The following CSMD3 variants were observed in gnomAD, a reference collection of about 807,000 sequenced individuals.
CSMD3 encodes CUB and sushi domain-containing protein 3.
A neutral mutation model predicts 435.2 loss-of-function variants in CSMD3; 177 were observed. That is an observed-to-expected ratio of 0.41 (90% CI 0.36 to 0.46). CSMD3 has a LOEUF of 0.46. Among genes scored for constraint, CSMD3 ranks in the 20% least tolerant of loss-of-function variants. CSMD3 has a pLI of 0.34. For missense variants in CSMD3, 4,265 were observed against 4,504.6 expected (o/e 0.95, Z 1.52); for synonymous variants, 1,656 against 1,520.5 (o/e 1.09, Z -2.07).
intron 4 of CSMD3, among the ~76,000 whole-genome samples, chr8:113,116,129 T>TA (rs2090819737): frequency 2.0e-5 from 3 of 151,934 alleles, no homozygotes; most frequent in Non-Finnish European, 2.9e-5. Flanking sequence ...ATTAATACAC[T>TA]AAAAAAACAT....
At chr8:112,911,307 A>G (rs1312961062) in intron 10 of CSMD3, among the ~76,000 whole-genome samples, 2 of 151,942 alleles carry the variant, frequency 1.3e-5, no homozygotes, top group Non-Finnish European at 2.9e-5. Flanking sequence ...TAAAAAATGT[A>G]TATATGATAT....
At chr8:112,502,462 G>A (rs1055044963) in intron 30 of CSMD3, among the ~76,000 whole-genome samples, 5 of 152,150 alleles carry the variant, frequency 3.3e-5, no homozygotes, top group Non-Finnish European at 7.4e-5. Flanking sequence ...CCTTGCCCTG[G>A]CATACAGTTC....
chr8:113,015,074 T>C lies in CSMD3; in HGVS notation c.1030+3993A>G, dbSNP rs144540275. On this transcript the variant is annotated intron_variant, in intron 6 of 70. Transcript: ENST00000297405. ...ATCTTATTTACCTTTGTTCAGTAAC[T>C]GTACACAGGTATTTATGTAAAAACT... Among the ~76,000 whole-genome samples the C allele has an allele frequency of 2.5e-3, 376 of 152,228 alleles. 2 individuals are homozygous for C. Among genetic ancestry groups the C allele is most frequent in the Non-Finnish European group, 4.1e-3 (282 of 67,988 alleles).
At position 112,322,202 on chromosome 8, in the gene CSMD3, G is replaced by A. The variant is rs1291905280; in HGVS notation, c.7166-2221C>T. Among the ~76,000 whole-genome samples the A allele has an allele frequency of 2.0e-5, 3 of 151,990 alleles. No individual in the cohort carries two copies. In the East Asian group the frequency reaches 5.8e-4, roughly 29 times the overall value. On this transcript the variant is annotated intron_variant, in intron 45 of 70. Coordinates refer to ENST00000297405, the MANE Select transcript of CSMD3 (RefSeq NM_198123.2). ...GCTAATCCTAAATTGTTTGATTATT[G>A]TAAACAAGAAACACTTTTTTATGTG...
chr8:112,254,350 T>G (rs199779233), intron 62 of CSMD3, 24 bp from the exon 63 acceptor site: 1 of 1,520,004 alleles, frequency 6.6e-7, no homozygotes, highest in African/African-American at 1.4e-5. Flanking sequence ...TAAAAAGATA[T>G]TAGTCCTTTA....
intron 13 of CSMD3, among the ~76,000 whole-genome samples, chr8:112,731,805 G>C (rs1193389980): frequency 6.6e-6 from 1 of 152,010 alleles, no homozygotes; most frequent in Non-Finnish European, 1.5e-5. Flanking sequence ...CAATTATCAG[G>C]ATTAAAGGCA....
chr8:112,404,983 G>T (rs962990368), intron 35 of CSMD3, among the ~76,000 whole-genome samples: 10 of 150,836 alleles, frequency 6.6e-5, no homozygotes, highest in Non-Finnish European at 1.5e-4. Context: ...TTTGATACCA[G>T]CCTAGACAAC....
chr8:112,419,744 C>A (rs186270047), intron 32 of CSMD3, among the ~76,000 whole-genome samples: 138 of 152,186 alleles, frequency 9.1e-4, no homozygotes, highest in African/African-American at 3.2e-3. Flanking sequence ...ATCTTATAAG[C>A]AAATATAGTT....
intron 13 of CSMD3, among the ~76,000 whole-genome samples, chr8:112,721,746 A>G (rs1476250482): frequency 6.6e-6 from 1 of 152,080 alleles, no homozygotes; most frequent in Non-Finnish European, 1.5e-5. Context: ...CCTTAGAACT[A>G]TTTTTGTTTT....
At chr8:112,513,566 A>G (rs1823355734) in intron 28 of CSMD3, among the ~76,000 whole-genome samples, 1 of 152,204 alleles carries the variant, frequency 6.6e-6, no homozygotes, top group Non-Finnish European at 1.5e-5. Flanking sequence ...AATAGCAATG[A>G]AAAAGTTTGA....
At chr8:112,255,549 G>T in intron 61 of CSMD3, 122 bp from the exon 62 acceptor site, 1 of 851,644 alleles carries the variant, frequency 1.2e-6, no homozygotes, top group Non-Finnish European at 1.9e-6. Context: ...TCATGATAAA[G>T]CTATCCCAAT....
At chr8:112,925,493 G>A (rs534782709) in intron 9 of CSMD3, among the ~76,000 whole-genome samples, 4 of 151,936 alleles carry the variant, frequency 2.6e-5, no homozygotes, top group Non-Finnish European at 5.9e-5. Context: ...AACCCGGGAA[G>A]TGGAACTTGC....
intron 32 of CSMD3, among the ~76,000 whole-genome samples, chr8:112,437,599 A>G (rs1382573502): frequency 6.6e-6 from 1 of 151,798 alleles, no homozygotes; most frequent in Non-Finnish European, 1.5e-5. Context: ...ATATATATAT[A>G]CACAGATCTG....
chr8:113,092,132 T>C (rs147897602), intron 5 of CSMD3, among the ~76,000 whole-genome samples: 253 of 152,180 alleles, frequency 1.7e-3, no homozygotes, highest in African/African-American at 6.0e-3. Flanking sequence ...TTAAGTTCCT[T>C]ACAACCTCTG....
intron 4 of CSMD3, among the ~76,000 whole-genome samples, chr8:113,150,752 C>T (rs1268575630): frequency 6.6e-6 from 1 of 151,804 alleles, no homozygotes; most frequent in South Asian, 2.1e-4. Context: ...TATTCATTAC[C>T]ACTATATGTA....
At chr8:112,829,133 T>C (rs2079787902) in intron 12 of CSMD3, among the ~76,000 whole-genome samples, 1 of 152,192 alleles carries the variant, frequency 6.6e-6, no homozygotes, top group Non-Finnish European at 1.5e-5. Context: ...TCTATGCTGA[T>C]ACTAATTTTT....
chr8:112,551,867 G>C (rs1037407382), intron 26 of CSMD3, among the ~76,000 whole-genome samples: 17 of 151,922 alleles, frequency 1.1e-4, no homozygotes, highest in Admixed American at 1.1e-3. Context: ...GTTATTGTTT[G>C]TTATTGAAAA....
At chr8:112,257,535 C>T (rs1488072441) in intron 61 of CSMD3, among the ~76,000 whole-genome samples, 1 of 152,112 alleles carries the variant, frequency 6.6e-6, no homozygotes, top group Non-Finnish European at 1.5e-5. Flanking sequence ...TTCACAATTG[C>T]TACAAAGACA....
chr8:113,340,194 T>G (rs187225948), intron 1 of CSMD3, among the ~76,000 whole-genome samples: 3 of 152,066 alleles, frequency 2.0e-5, no homozygotes, highest in African/African-American at 7.2e-5. Context: ...ACTTGTAAGT[T>G]TTGTATTCTC....
Sources: gnomAD v4.1 joint callset for allele counts (sites outside exome capture counted in the v4.1 genomes callset) on GRCh38, gnomAD v4.1.1 for gene constraint, MANE v1.5 for transcripts, NCBI Gene and HGNC (gene_info 2026-07-23, HGNC 2026-07-21) for gene names.